ZNF845: variants seen among roughly 807,000 people sequenced by gnomAD.
ZNF845 encodes zinc finger protein 845.
ZNF845 carries 59 observed loss-of-function variants against 76.1 expected under a neutral mutation model. The observed-to-expected ratio is 0.78, with a 90% CI of 0.63 to 0.96. ZNF845 has a LOEUF of 0.96. Among genes scored for constraint, ZNF845 ranks in the 40% least tolerant of loss-of-function variants. The pLI, the probability that ZNF845 is intolerant of heterozygous loss-of-function variation, is 0.00. For missense variants in ZNF845, 1,045 were observed against 1,172.8 expected (o/e 0.89, Z 1.59); for synonymous variants, 361 against 386.9 (o/e 0.93, Z 0.78).
chr19:53,342,382 G>C (rs544860930), intron 2 of ZNF845, among the ~76,000 whole-genome samples: 1 of 152,226 alleles, frequency 6.6e-6, no homozygotes, highest in East Asian at 1.9e-4. Flanking sequence ...CTCCCAGAGT[G>C]CTGGGATTAC....
In ZNF845 at chr19:53,352,553, G is replaced by C. The variant is rs777710961; in HGVS notation, c.1878G>C (p.Trp626Cys). 5 of 1,607,662 alleles carry C rather than the reference G, an allele frequency of 3.1e-6. No individual in the cohort carries two copies. Among genetic ancestry groups the C allele is most frequent in the Non-Finnish European group, 4.2e-6 (5 of 1,176,882 alleles). The change falls in exon 4 of 4, where the codon TGG (tryptophan) becomes TGC (cysteine). Residue 626 changes from tryptophan (W) to cysteine (C), a missense_variant. Coordinates refer to ENST00000458035, the MANE Select transcript of ZNF845 (RefSeq NM_138374.3). ...ATCGTTCATACCTTGCAGTTCATTGGCGAACTCATAGTGGAGAGAAACCTT... is the reference window on the plus strand; with the variant it reads ...ATCGTTCATACCTTGCAGTTCATTGCCGAACTCATAGTGGAGAGAAACCTT... Reference protein sequence around the residue: ...FRHRSYLAVHWRTHSGEKPYK... With the variant: ...FRHRSYLAVHCRTHSGEKPYK...
At chr19:53,337,270 G>A in intron 1 of ZNF845, 2 of 427,478 alleles carry the variant, frequency 4.7e-6, no homozygotes, top group South Asian at 3.5e-5. Context: ...GCTCAGAGAT[G>A]TCTCCCATGC....
chr19:53,339,343 G>A (rs1019423550), intron 1 of ZNF845, among the ~76,000 whole-genome samples: 1 of 152,030 alleles, frequency 6.6e-6, no homozygotes, highest in Non-Finnish European at 1.5e-5. Context: ...AGCACACACC[G>A]TCACCCACCC....
intron 1 of ZNF845, among the ~76,000 whole-genome samples, chr19:53,339,867 C>T (rs2085243916): frequency 6.6e-6 from 1 of 152,152 alleles, no homozygotes; most frequent in Non-Finnish European, 1.5e-5. Flanking sequence ...TCCTTCCCTG[C>T]TTTATCCAGG....
In ZNF845 at chr19:53,352,827, C is replaced by A. The variant is rs750102486; in HGVS notation, c.2152C>A (p.Pro718Thr). 6.2e-6 allele frequency: 10 copies of A among 1,613,882 alleles called. No homozygotes were observed. The highest frequency in any genetic ancestry group is 8.5e-6 in the Non-Finnish European group (10 of 1,180,014). The change falls in exon 4 of 4, where the codon CCT becomes ACT. Residue 718 changes from proline (P) to threonine (T), a missense_variant. Transcript: ENST00000458035. ...CAAGGCAATTCATACTGGAGAGAAA[C>A]CTTACAAGTGTAATGAGTGTGGCAA... ...IHKAIHTGEKPYKCNECGKAF... is the reference protein window; with the variant it reads ...IHKAIHTGEKTYKCNECGKAF...
Position 53,353,543 on chromosome 19 carries a change from A to G in ZNF845, c.2868A>G (p.Ala956=). Residue 956 remains alanine (A), a synonymous_variant, in exon 4 of 4, where the codon GCA becomes GCG. Coordinates refer to ENST00000458035, the MANE Select transcript of ZNF845 (RefSeq NM_138374.3). ...NECGKVFNRK[A]KLARHHRIHT... Reference sequence around the variant, plus strand: ...GTGGCAAGGTTTTTAATCGAAAAGCAAAACTTGCACGTCATCATAGAATTC... The same window carrying G: ...GTGGCAAGGTTTTTAATCGAAAAGCGAAACTTGCACGTCATCATAGAATTC... 6.2e-7 allele frequency: 1 copy of G among 1,611,110 alleles called. No homozygotes were observed. Among genetic ancestry groups the G allele is most frequent in the Non-Finnish European group, 8.5e-7 (1 of 1,178,378 alleles).
intron 1 of ZNF845, among the ~76,000 whole-genome samples, chr19:53,339,485 G>C (rs11672499): frequency 1.3e-5 from 2 of 152,098 alleles, no homozygotes; most frequent in Non-Finnish European, 2.9e-5. Flanking sequence ...TTCCACCTTC[G>C]TGTCCGCTGT....
rs569123582 is a variant in ZNF845, at chr19:53,356,724, T to G, written c.*3136T>G. ...GTGGGCGGATCACGAGGTCAGGAGA[T>G]CGAGACCATCCTGGCTAACACGGTG... On this transcript the variant is annotated 3_prime_UTR_variant, in exon 4 of 4. Transcript: ENST00000458035. 1 of 152,046 alleles carries G rather than the reference T, an allele frequency of 6.6e-6. No individual in the cohort carries two copies. Among genetic ancestry groups the G allele is most frequent in the East Asian group, 1.9e-4 (1 of 5,134 alleles). The allele number at this position is 152,046 out of a possible 1,614,324, so 9.4% of individuals were successfully genotyped here. A position where few individuals can be genotyped will look rare whatever the true frequency, so the allele number is the denominator to read the frequency against.
intron 2 of ZNF845, among the ~76,000 whole-genome samples, chr19:53,342,456 A>G (rs142712347): frequency 6.6e-6 from 1 of 152,228 alleles, no homozygotes; most frequent in East Asian, 1.9e-4. Context: ...TGTAAACATC[A>G]CATGATATAT....
chr19:53,342,619 G>A lies in ZNF845; in HGVS notation c.15+1297G>A, dbSNP rs79300801. 3.7e-3 allele frequency among the ~76,000 whole-genome samples: 569 copies of A among 152,062 alleles called. 3 individuals are homozygous for A. The highest frequency in any genetic ancestry group is 0.013 in the African/African-American group (544 of 41,472). On this transcript the variant is annotated intron_variant, in intron 2 of 3. Transcript: ENST00000458035. The stretch of plus-strand genomic sequence containing the variant: ...TGTGCCATGGGTCAGAGCAAATCTC[G>A]CGCGTCTGTATTTCTGCATCGTTAC...
chr19:53,337,672 G>T (rs1368113783), intron 1 of ZNF845, among the ~76,000 whole-genome samples: 1 of 152,136 alleles, frequency 6.6e-6, no homozygotes, highest in Non-Finnish European at 1.5e-5. Flanking sequence ...GGGTTAAAGT[G>T]ATTCTCCTGC....
At position 53,351,120 on chromosome 19, in the gene ZNF845, C is replaced by T; in HGVS notation, c.445C>T (p.Pro149Ser). Reference protein sequence around the residue: ...QLGSSFHSHLPELHMFQTEGK... With the variant: ...QLGSSFHSHLSELHMFQTEGK... ...TGGATCAAGCTTTCATTCGCATCTG[C>T]CTGAACTCCACATGTTTCAGACCGA... Residue 149 changes from proline (P) to serine (S), a missense_variant, in exon 4 of 4, where the codon CCT (proline) becomes TCT (serine). Coordinates refer to ENST00000458035, the MANE Select transcript of ZNF845 (RefSeq NM_138374.3). The T allele has an allele frequency of 1.9e-6, 3 of 1,614,166 alleles. No individual in the cohort carries two copies. The highest frequency in any genetic ancestry group is 1.1e-5 in the South Asian group (1 of 91,082).
intron 1 of ZNF845, among the ~76,000 whole-genome samples, chr19:53,336,078 G>A (rs1390066374): frequency 2.0e-5 from 3 of 152,106 alleles, no homozygotes; most frequent in Non-Finnish European, 2.9e-5. Flanking sequence ...TGGGCATGGT[G>A]GCATGCACCT....
At chr19:53,334,727 C>CG (rs1491134021) in intron 1 of ZNF845, among the ~76,000 whole-genome samples, 1 of 31,082 alleles carries the variant, frequency 3.2e-5, no homozygotes, top group Non-Finnish European at 6.4e-5. Flanking sequence ...ATAGTGAGAC[C>CG]CCCCCCCCCA....
Position 53,354,926 on chromosome 19 carries a change from TC to T in ZNF845, c.*1339del. ...TCTCACTCTGTTACCCAGGCTCTTT[TC>T]TTTTTTTTTGAGAAGGAGTCTCACT... On this transcript the variant is annotated 3_prime_UTR_variant, in exon 4 of 4. Transcript: ENST00000458035. 2 of 152,024 alleles carry T rather than the reference TC, an allele frequency of 1.3e-5. No individual in the cohort carries two copies. The highest frequency in any genetic ancestry group is 1.3e-4 in the Admixed American group (2 of 15,260). The allele number at this position is 152,024 out of a possible 1,614,324, so 9.4% of individuals were successfully genotyped here.
At chr19:53,347,515 G>C (rs1038216145) in intron 3 of ZNF845, among the ~76,000 whole-genome samples, 12 of 150,808 alleles carry the variant, frequency 8.0e-5, no homozygotes, top group African/African-American at 2.9e-4. Context: ...GGATGGTGCT[G>C]ATCTCCTGAT....
rs767330340 is a variant in ZNF845, at chr19:53,353,481, A to G, written c.2806A>G (p.Ile936Val). The G allele has an allele frequency of 8.1e-6, 13 of 1,613,674 alleles. No homozygotes were observed. Among genetic ancestry groups the G allele is most frequent in the African/African-American group, 4.0e-5 (3 of 74,886 alleles). The change falls in exon 4 of 4, where the codon ATT (isoleucine) becomes GTT (valine). Residue 936 changes from isoleucine to valine, a missense_variant. Physicochemically the swap from Ile to Val is conservative, Grantham distance 29. Coordinates refer to ENST00000458035, the MANE Select transcript of ZNF845 (RefSeq NM_138374.3). Reference protein sequence around the residue: ...HNSVLVIHKTIHTGEKPYKCN... With the variant: ...HNSVLVIHKTVHTGEKPYKCN... Reference sequence around the variant, plus strand: ...TTCAGTCCTTGTAATTCATAAGACAATTCATACTGGAGAGAAACCTTACAA... The same window carrying G: ...TTCAGTCCTTGTAATTCATAAGACAGTTCATACTGGAGAGAAACCTTACAA...
Position 53,353,504 on chromosome 19 carries a change from C to G in ZNF845, c.2829C>G (p.Tyr943Ter). Residue 943 changes from tyrosine to a stop codon, truncating the protein, a stop_gained, in exon 4 of 4, where the codon TAC (tyrosine) becomes TAG (stop). Coordinates refer to ENST00000458035, the MANE Select transcript of ZNF845 (RefSeq NM_138374.3). LOFTEE classifies it high-confidence loss of function. ...CAATTCATACTGGAGAGAAACCTTA[C>G]AAGTGTAATGAATGTGGCAAGGTTT... ...HKTIHTGEKP[Y>*]KCNECGKVFN... The G allele has an allele frequency of 6.2e-7, 1 of 1,613,596 alleles. No homozygotes were observed. Among genetic ancestry groups the G allele is most frequent in the Non-Finnish European group, 8.5e-7 (1 of 1,179,764 alleles).
rs1320387133 is a variant in ZNF845, at chr19:53,355,387, G to A, written c.*1799G>A. 2.0e-5 allele frequency: 3 copies of A among 151,768 alleles called. No individual in the cohort carries two copies. The highest frequency in any genetic ancestry group is 2.1e-4 in the South Asian group (1 of 4,796). The allele number at this position is 151,768 out of a possible 1,614,324, so 9.4% of individuals were successfully genotyped here. ...AGCCTCCTGAGTAGCTGGGACTACA[G>A]GCGCATGTCACCACACCTAGCTAAT... On this transcript the variant is annotated 3_prime_UTR_variant, in exon 4 of 4. Coordinates refer to ENST00000458035, the MANE Select transcript of ZNF845 (RefSeq NM_138374.3).
Sources: allele counts gnomAD v4.1 joint callset (sites outside exome capture counted in the v4.1 genomes callset), GRCh38; gene constraint gnomAD v4.1.1; transcripts MANE v1.5; gene names NCBI Gene and HGNC (gene_info 2026-07-23, HGNC 2026-07-21).